OR51B5: variants seen among roughly 807,000 people sequenced by gnomAD.
OR51B5 encodes the protein olfactory receptor family 51 subfamily B member 5, also known as olfactory receptor 51B5.
For missense variants in OR51B5, 456 were observed against 374.6 expected (o/e 1.22, Z -1.79); for synonymous variants, 186 against 144.8 (o/e 1.28, Z -2.04).
chr11:5,357,886 T>A (rs1849219521), intron 1 of OR51B5, among the ~76,000 whole-genome samples: 1 of 152,130 alleles, frequency 6.6e-6, no homozygotes, highest in South Asian at 2.1e-4. Context: ...TGCTCCTGAA[T>A]GACTACTGGG....
At chr11:5,342,128 G>T (rs930521621), downstream of OR51B5, among the ~76,000 whole-genome samples, 1 of 151,822 alleles carries the variant, frequency 6.6e-6, no homozygotes, top group African/African-American at 2.4e-5. Flanking sequence ...CAAATTTATA[G>T]GTTCCCATTG....
chr11:5,450,512 C>A (rs996944744), intron 1 of OR51B5, among the ~76,000 whole-genome samples: 2 of 152,188 alleles, frequency 1.3e-5, no homozygotes, highest in South Asian at 4.1e-4. Context: ...CTCCTGACAC[C>A]CTCGGGGTCC....
chr11:5,436,967 C>T (rs1025192937), intron 1 of OR51B5, among the ~76,000 whole-genome samples: 1 of 152,088 alleles, frequency 6.6e-6, no homozygotes, highest in Admixed American at 6.5e-5. Context: ...TGCCTTTATG[C>T]CTCTGCGGAA....
intron 1 of OR51B5, chr11:5,468,903 T>G: frequency 2.7e-6 from 1 of 366,944 alleles, no homozygotes; most frequent in Non-Finnish European, 5.4e-6. Context: ...AGTACCACAC[T>G]GGCCTTACAG....
At chr11:5,425,594 CATTTTTGTAA>C (rs1850436216) in intron 1 of OR51B5, among the ~76,000 whole-genome samples, 1 of 152,054 alleles carries the variant, frequency 6.6e-6, no homozygotes, top group South Asian at 2.1e-4. Flanking sequence ...AAATAGATTT[CATTTTTGTAA>C]ATTTTTTTAA....
chr11:5,417,660 A>C (rs1405165852), intron 1 of OR51B5, among the ~76,000 whole-genome samples: 1 of 151,836 alleles, frequency 6.6e-6, no homozygotes, highest in Non-Finnish European at 1.5e-5. Flanking sequence ...GCAGCCAAAA[A>C]ACACATGAAA....
intron 1 of OR51B5, among the ~76,000 whole-genome samples, chr11:5,497,572 A>G (rs899088839): frequency 2.0e-5 from 3 of 152,196 alleles, no homozygotes; most frequent in Non-Finnish European, 4.4e-5. Flanking sequence ...GTAAGCATTC[A>G]AAGAAAACAG....
chr11:5,394,256 TA>T (rs1043093866), intron 1 of OR51B5, among the ~76,000 whole-genome samples: 3 of 152,102 alleles, frequency 2.0e-5, no homozygotes, highest in African/African-American at 7.2e-5. Flanking sequence ...TGGATACTAC[TA>T]GATTACCCAT....
In OR51B5 at chr11:5,432,074, T is replaced by C. The variant is rs145192629; in HGVS notation, n.84+73495A>G. On this transcript the variant is annotated intron_variant and non_coding_transcript_variant, in intron 1 of 4. Transcript: ENST00000415970. ...AGCTACTTTGAAAAATATGCATTGT[T>C]GTTAACTCTAGTTACCCTACTCTGC... Among the ~76,000 whole-genome samples the C allele has an allele frequency of 2.1e-3, 325 of 152,330 alleles. 1 individual carries two copies. The highest frequency in any genetic ancestry group is 7.4e-3 in the African/African-American group (309 of 41,578).
chr11:5,345,437 TATATTA>T (rs1368930366), upstream of OR51B5, among the ~76,000 whole-genome samples: 1 of 152,098 alleles, frequency 6.6e-6, no homozygotes, highest in African/African-American at 2.4e-5. Context: ...GATTTGCTGA[TATATTA>T]AAAATGGGAG....
At chr11:5,453,917 A>C (rs1850902718) in intron 1 of OR51B5, 1 of 1,614,182 alleles carries the variant, frequency 6.2e-7, no homozygotes, top group Non-Finnish European at 8.5e-7. Context: ...TCATTGCTGC[A>C]ATGGGTTTAG....
chr11:5,433,848 AAG>A (rs1554891421), intron 1 of OR51B5, among the ~76,000 whole-genome samples: 1 of 151,972 alleles, frequency 6.6e-6, no homozygotes, highest in Admixed American at 6.6e-5. Flanking sequence ...TGAAAAAAAA[AAG>A]AACTATGACT....
chr11:5,442,501 C>A (rs1301867415), intron 1 of OR51B5, among the ~76,000 whole-genome samples: 3 of 152,082 alleles, frequency 2.0e-5, no homozygotes, highest in African/African-American at 7.2e-5. Context: ...TTCCTTCAGA[C>A]AATAAGTATG....
intron 1 of OR51B5, among the ~76,000 whole-genome samples, chr11:5,379,642 T>C (rs1009297540): frequency 2.0e-5 from 3 of 152,022 alleles, no homozygotes; most frequent in Non-Finnish European, 4.4e-5. Context: ...AGTTGTGTTT[T>C]ATTTTTTAAT....
intron 1 of OR51B5, among the ~76,000 whole-genome samples, chr11:5,397,480 G>A (rs1849895679): frequency 6.6e-6 from 1 of 151,602 alleles, no homozygotes; most frequent in Non-Finnish European, 1.5e-5. Context: ...TCAGAGAAAT[G>A]CAAATCAAAA....
At chr11:5,388,731 T>C (rs1046251359) in intron 1 of OR51B5, among the ~76,000 whole-genome samples, 12 of 152,036 alleles carry the variant, frequency 7.9e-5, no homozygotes, top group Admixed American at 1.3e-4. Flanking sequence ...TCTTGCTATA[T>C]AGTAGTCAAC....
At chr11:5,344,332 G>A (rs1485438659), upstream of OR51B5, among the ~76,000 whole-genome samples, 2 of 152,180 alleles carry the variant, frequency 1.3e-5, no homozygotes, top group Non-Finnish European at 2.9e-5. Flanking sequence ...TACAAGTAGT[G>A]TCTTTTTCTT....
At chr11:5,377,280 T>C (rs1207824287) in intron 1 of OR51B5, among the ~76,000 whole-genome samples, 2 of 152,078 alleles carry the variant, frequency 1.3e-5, no homozygotes, top group South Asian at 2.1e-4. Flanking sequence ...CTAAAAACTT[T>C]CAATAAATTA....
chr11:5,377,531 G>C (rs2133714163), intron 1 of OR51B5, among the ~76,000 whole-genome samples: 1 of 152,174 alleles, frequency 6.6e-6, no homozygotes, highest in Non-Finnish European at 1.5e-5. Context: ...GTCCCTGTTT[G>C]CAGACGACAT....
Sources: gnomAD v4.1 joint callset for allele counts (sites outside exome capture counted in the v4.1 genomes callset) on GRCh38, gnomAD v4.1.1 for gene constraint, MANE v1.5 for transcripts, NCBI Gene and HGNC (gene_info 2026-07-23, HGNC 2026-07-21) for gene names.